The following KCNN3 variants were observed in gnomAD, a reference collection of about 807,000 sequenced individuals.
The protein encoded by KCNN3 is potassium calcium-activated channel subfamily N member 3.
A neutral mutation model predicts 62.9 loss-of-function variants in KCNN3; 16 were observed. The ratio of observed to expected loss-of-function variants is 0.25; its 90% CI spans 0.17 to 0.39. The LOEUF (loss-of-function observed/expected upper bound fraction) is 0.39. Ranked by LOEUF, KCNN3 falls within the 10% of genes least tolerant of loss-of-function variation. KCNN3 has a pLI of 1.00. For missense variants in KCNN3, 599 were observed against 949.4 expected (o/e 0.63, Z 4.85); for synonymous variants, 370 against 389.2 (o/e 0.95, Z 0.58).
At chr1:154,811,697 G>A (rs1650413716) in intron 2 of KCNN3, among the ~76,000 whole-genome samples, 1 of 152,088 alleles carries the variant, frequency 6.6e-6, no homozygotes, top group African/African-American at 2.4e-5. Context: ...TTGAGCAGTG[G>A]TGATTTTGCC....
intron 1 of KCNN3, among the ~76,000 whole-genome samples, chr1:154,827,101 A>T (rs1488242479): frequency 6.6e-6 from 1 of 152,254 alleles, no homozygotes; most frequent in Admixed American, 6.5e-5. Flanking sequence ...CCTGCCTGAC[A>T]TCACTATGTT....
chr1:154,741,909 A>G (rs1700828536), intron 3 of KCNN3, among the ~76,000 whole-genome samples: 1 of 152,186 alleles, frequency 6.6e-6, no homozygotes, highest in African/African-American at 2.4e-5. Context: ...AGACCTGCCC[A>G]CTGAGCTGTG....
chr1:154,707,797 T>G lies in KCNN3; in HGVS notation c.*179A>C, dbSNP rs1425094567. On this transcript the variant is annotated 3_prime_UTR_variant, in exon 8 of 8. Transcript: ENST00000271915. ...TAGAGGCACCTAAACAGAGATTAGA[T>G]TTCTGGTTTCAAGGCATGTCGGACC... The G allele has an allele frequency of 4.4e-6, 3 of 684,010 alleles. No individual in the cohort carries two copies. The highest frequency in any genetic ancestry group is 2.4e-6 in the Non-Finnish European group (1 of 415,056). The allele number at this position is 684,010 out of a possible 1,614,324, so 42.4% of individuals were successfully genotyped here.
In KCNN3 at chr1:154,699,804, C is replaced by A. The variant is rs181367192; in HGVS notation, c.*8172G>T. On this transcript the variant is annotated 3_prime_UTR_variant, in exon 8 of 8. Transcript: ENST00000271915. ...GAAACACAACAATTTCTGTACTATG[C>A]TAAGCAGAGACTCCTGTAGCCTTCC... 3.3e-4 allele frequency: 50 copies of A among 152,204 alleles called. No individual in the cohort carries two copies. The highest frequency in any genetic ancestry group is 1.1e-3 in the African/African-American group (47 of 41,532). 9.4% of individuals were successfully genotyped at this position (152,204 alleles called of 1,614,324 possible). A position where few individuals can be genotyped will look rare whatever the true frequency, so the allele number is the denominator to read the frequency against.
chr1:154,727,539 C>G (rs1056859538), intron 4 of KCNN3, among the ~76,000 whole-genome samples: 2 of 152,194 alleles, frequency 1.3e-5, no homozygotes, highest in South Asian at 4.1e-4. Context: ...CCTCGTTTCC[C>G]ACAAGGGTCC....
chr1:154,713,850 C>T (rs1166534912), intron 6 of KCNN3, among the ~76,000 whole-genome samples: 1 of 151,816 alleles, frequency 6.6e-6, no homozygotes, highest in Non-Finnish European at 1.5e-5. Context: ...CCCCAAACCT[C>T]TCCATCAGAA....
chr1:154,806,745 A>AGGG (rs1254946771), intron 2 of KCNN3, among the ~76,000 whole-genome samples: 3 of 152,218 alleles, frequency 2.0e-5, no homozygotes, highest in Admixed American at 6.5e-5. Flanking sequence ...CAAACTAGAA[A>AGGG]GGGGCCTAAA....
In KCNN3 at chr1:154,698,346, G is replaced by GCCTC. The variant is rs879593869; in HGVS notation, c.*9629_*9630insGAGG. 0.01 allele frequency: 1,547 copies of GCCTC among 152,280 alleles called. 17 individuals are homozygous for GCCTC. The highest frequency in any genetic ancestry group is 0.015 in the Non-Finnish European group (996 of 68,014). The allele number at this position is 152,280 out of a possible 1,614,324, so 9.4% of individuals were successfully genotyped here. On this transcript the variant is annotated 3_prime_UTR_variant, in exon 8 of 8. Coordinates refer to ENST00000271915, the MANE Select transcript of KCNN3 (RefSeq NM_002249.6). ...CCACAAATGTGCCTGCAGCTGTGAG[G>GCCTC]ACAGCTGGAGAGATCTGTTGTCTTT...
chr1:154,870,225 G>A lies in KCNN3; in HGVS notation c.-261C>T. On this transcript the variant is annotated 5_prime_UTR_variant, in exon 1 of 8. Coordinates refer to ENST00000271915, the MANE Select transcript of KCNN3 (RefSeq NM_002249.6). The stretch of plus-strand genomic sequence containing the variant: ...AGGGGGTGAAAGAACTCTCTCAGGA[G>A]GTGGTCCTCTAGGAGCGTGTGAGGC... 1.5e-6 allele frequency: 1 copy of A among 661,492 alleles called. No homozygotes were observed. The highest frequency in any genetic ancestry group is 2.8e-6 in the Non-Finnish European group (1 of 359,276). The allele number at this position is 661,492 out of a possible 1,614,324, so 41.0% of individuals were successfully genotyped here.
At chr1:154,776,222 C>T (rs776410142) in intron 2 of KCNN3, among the ~76,000 whole-genome samples, 6 of 152,196 alleles carry the variant, frequency 3.9e-5, no homozygotes, top group Non-Finnish European at 7.3e-5. Context: ...TCAGGCCGTG[C>T]GTGACTTCTC....
At chr1:154,796,244 G>A (rs1233176343) in intron 2 of KCNN3, among the ~76,000 whole-genome samples, 1 of 152,174 alleles carries the variant, frequency 6.6e-6, no homozygotes, top group Non-Finnish European at 1.5e-5. Flanking sequence ...TTATTGCCAG[G>A]TCCACATTTC....
At position 154,708,290 on chromosome 1, in the gene KCNN3, G is replaced by A. The variant is rs766858032; in HGVS notation, c.1900-18C>T. On this transcript the variant is annotated intron_variant, in intron 7 of 7. Transcript: ENST00000271915. ...TTCTGCATCTGTGTGGAGAGAGAGA[G>A]GCGAGAGACAGGGAGATGACAGGTC... 3 of 1,612,004 alleles carry A rather than the reference G, an allele frequency of 1.9e-6. No homozygotes were observed. Among genetic ancestry groups the A allele is most frequent in the Admixed American group, 3.3e-5 (2 of 59,994 alleles).
intron 7 of KCNN3, among the ~76,000 whole-genome samples, chr1:154,712,380 G>A (rs927148036): frequency 2.6e-5 from 4 of 152,044 alleles, no homozygotes; most frequent in African/African-American, 7.2e-5. Flanking sequence ...CCACGTGAAC[G>A]CCCTCCTCCA....
intron 4 of KCNN3, among the ~76,000 whole-genome samples, chr1:154,729,662 T>C (rs2101788140): frequency 6.6e-6 from 1 of 152,292 alleles, no homozygotes; most frequent in South Asian, 2.1e-4. Flanking sequence ...GCCTGGAGGA[T>C]TTACAGTTGG....
At chr1:154,759,484 C>G (rs1008630860) in intron 3 of KCNN3, among the ~76,000 whole-genome samples, 4 of 152,232 alleles carry the variant, frequency 2.6e-5, no homozygotes, top group African/African-American at 9.6e-5. Context: ...GAACCCCTTC[C>G]TTTTCCTTAC....
At chr1:154,769,639 C>A (rs1403229440) in intron 3 of KCNN3, among the ~76,000 whole-genome samples, 1 of 152,212 alleles carries the variant, frequency 6.6e-6, no homozygotes, top group East Asian at 1.9e-4. Context: ...CTTGCAGGTA[C>A]TTTGTTGCAT....
intron 2 of KCNN3, among the ~76,000 whole-genome samples, chr1:154,804,076 T>A (rs1650063196): frequency 6.6e-6 from 1 of 152,178 alleles, no homozygotes; most frequent in African/African-American, 2.4e-5. Context: ...CCCTCTGCAG[T>A]GGACTCCAGC....
chr1:154,702,765 G>C lies in KCNN3; in HGVS notation c.*5211C>G, dbSNP rs918172590. ...TATATATATGTACTTTTTCTTTTTGGCTATAAATGTCAACATCTCTTTGGG... is the reference window on the plus strand; with the variant it reads ...TATATATATGTACTTTTTCTTTTTGCCTATAAATGTCAACATCTCTTTGGG... On this transcript the variant is annotated 3_prime_UTR_variant, in exon 8 of 8. Coordinates refer to ENST00000271915, the MANE Select transcript of KCNN3 (RefSeq NM_002249.6). 1 of 64,026 alleles carries C rather than the reference G, an allele frequency of 1.6e-5. No homozygotes were observed. The highest frequency in any genetic ancestry group is 3.3e-5 in the Non-Finnish European group (1 of 30,524). The allele number at this position is 64,026 out of a possible 1,614,324, so 4.0% of individuals were successfully genotyped here. A position where few individuals can be genotyped will look rare whatever the true frequency, so the allele number is the denominator to read the frequency against.
chr1:154,726,819 G>A (rs756003279), intron 4 of KCNN3, among the ~76,000 whole-genome samples: 10 of 152,262 alleles, frequency 6.6e-5, no homozygotes, highest in East Asian at 1.9e-4. Context: ...CTGGAACAGC[G>A]ATCCTAGTCT....
Sources: allele counts gnomAD v4.1 joint callset (sites outside exome capture counted in the v4.1 genomes callset), GRCh38; gene constraint gnomAD v4.1.1; transcripts MANE v1.5; gene names NCBI Gene and HGNC (gene_info 2026-07-23, HGNC 2026-07-21).